The following WDR7 variants were observed in gnomAD, a reference collection of about 807,000 sequenced individuals.
WDR7 encodes the protein WD repeat-containing protein 7.
In WDR7, 46 loss-of-function variants were observed where a neutral mutation model predicts 169.4. The ratio of observed to expected loss-of-function variants is 0.27; its 90% confidence interval spans 0.21 to 0.35. The LOEUF (loss-of-function observed/expected upper bound fraction) is 0.35. WDR7 is among the 10% of genes least tolerant of loss of function. The probability of loss-of-function intolerance (pLI) is 1.00; values close to 1 mark genes in which losing one functional copy is unlikely to be tolerated. For missense variants in WDR7, 1,534 were observed against 1,859.3 expected, an observed-to-expected ratio of 0.83 and a Z score of 3.22; for synonymous variants, 612 against 666.8, an observed-to-expected ratio of 0.92 and a Z score of 1.27.
At chr18:56,804,496 G>A (rs1198438537) in intron 19 of WDR7, among the ~76,000 whole-genome samples, 2 of 152,128 alleles carry the variant, frequency 1.3e-5, no homozygotes, top group Non-Finnish European at 2.9e-5. Flanking sequence ...AATAAAATAA[G>A]CAACAATAAC....
intron 26 of WDR7, among the ~76,000 whole-genome samples, chr18:56,981,565 G>T (rs1457421201): frequency 6.6e-6 from 1 of 152,148 alleles, no homozygotes; most frequent in East Asian, 1.9e-4. Flanking sequence ...GATGCATCTG[G>T]CAACAATGGG....
chr18:56,861,939 T>G (rs1361523556), intron 20 of WDR7, among the ~76,000 whole-genome samples: 1 of 152,090 alleles, frequency 6.6e-6, no homozygotes, highest in Non-Finnish European at 1.5e-5. Context: ...ACAGAAAAAT[T>G]TCAGTGATTC....
chr18:56,653,251 G>A (rs1371016730), intron 1 of WDR7, among the ~76,000 whole-genome samples: 1 of 151,792 alleles, frequency 6.6e-6, no homozygotes, highest in Non-Finnish European at 1.5e-5. Context: ...TTATTGCCCA[G>A]GCTGGAGTGC....
intron 19 of WDR7, among the ~76,000 whole-genome samples, chr18:56,813,220 A>G (rs1244243000): frequency 1.3e-5 from 2 of 151,870 alleles, no homozygotes; most frequent in African/African-American, 2.4e-5. Flanking sequence ...TAACCATCAC[A>G]TAGGGCAATT....
At chr18:56,795,754 T>G (rs1424905262) in intron 19 of WDR7, among the ~76,000 whole-genome samples, 1 of 152,214 alleles carries the variant, frequency 6.6e-6, no homozygotes, top group Non-Finnish European at 1.5e-5. Flanking sequence ...TTGTTTGATT[T>G]TATTTGTTTG....
chr18:56,947,363 G>A (rs1460578702), intron 25 of WDR7, among the ~76,000 whole-genome samples: 1 of 152,106 alleles, frequency 6.6e-6, no homozygotes, highest in Non-Finnish European at 1.5e-5. Context: ...CTTCAAAAAG[G>A]CATCATCTAG....
At chr18:56,753,772 C>A (rs575820669) in intron 14 of WDR7, among the ~76,000 whole-genome samples, 1 of 151,750 alleles carries the variant, frequency 6.6e-6, no homozygotes, top group African/African-American at 2.4e-5. Context: ...AATAAGTAAA[C>A]GTATTTATAT....
chr18:56,921,806 C>A (rs949626163), intron 21 of WDR7, among the ~76,000 whole-genome samples: 16 of 152,296 alleles, frequency 1.1e-4, no homozygotes, highest in Middle Eastern at 3.4e-3. Flanking sequence ...TATTTTCACT[C>A]TCAGGAAAAA....
intron 13 of WDR7, among the ~76,000 whole-genome samples, chr18:56,726,780 C>T (rs1407024474): frequency 6.6e-6 from 1 of 152,134 alleles, no homozygotes; most frequent in African/African-American, 2.4e-5. Flanking sequence ...GGAACACCTT[C>T]CTGAGAACTG....
At chr18:56,742,626 A>T (rs927754951) in intron 14 of WDR7, among the ~76,000 whole-genome samples, 1 of 152,204 alleles carries the variant, frequency 6.6e-6, no homozygotes, top group South Asian at 2.1e-4. Flanking sequence ...CAGAAAATAC[A>T]CTCAGATAAA....
chr18:56,982,844 C>T (rs903155685), intron 26 of WDR7, among the ~76,000 whole-genome samples: 2 of 152,224 alleles, frequency 1.3e-5, no homozygotes, highest in African/African-American at 4.8e-5. Context: ...TCAGCAGATG[C>T]TCTCTAAACA....
At chr18:56,971,147 C>T (rs2145800788) in intron 26 of WDR7, among the ~76,000 whole-genome samples, 1 of 152,124 alleles carries the variant, frequency 6.6e-6, no homozygotes. Context: ...TGATAGGTGC[C>T]TGTAATCCCA....
In WDR7 at chr18:56,779,704, T is replaced by A. The variant is rs569424427; in HGVS notation, c.3066+155T>A. On this transcript the variant is annotated intron_variant, in intron 18 of 27. Coordinates refer to ENST00000254442, the MANE Select transcript of WDR7 (RefSeq NM_015285.3). ...TTCATGATTTATGTTTTCTTCTTTG[T>A]CAGCTTTTATACCAACCAGTAATGC... Among the ~76,000 whole-genome samples, 2 of 152,362 alleles carry A rather than the reference T, an allele frequency of 1.3e-5. 1 individual carries two copies. The highest frequency in any genetic ancestry group is 2.9e-5 in the Non-Finnish European group (2 of 68,036).
chr18:56,904,142 T>C (rs2046443848), intron 21 of WDR7, among the ~76,000 whole-genome samples: 1 of 151,834 alleles, frequency 6.6e-6, no homozygotes, highest in Admixed American at 6.6e-5. Flanking sequence ...CGATCTCAGC[T>C]CACTGCAACC....
chr18:56,763,629 C>G lies in WDR7; in HGVS notation c.2848+4676C>G, dbSNP rs561533693. Reference sequence around the variant, plus strand: ...TCACAGAATGAATTAGGAAGTAGCCCCTTTCCCTGTATTTTCTGGACGGGT... The same window carrying G: ...TCACAGAATGAATTAGGAAGTAGCCGCTTTCCCTGTATTTTCTGGACGGGT... On this transcript the variant is annotated intron_variant, in intron 16 of 27. Transcript: ENST00000254442. Among the ~76,000 whole-genome samples, 3 of 152,222 alleles carry G rather than the reference C, an allele frequency of 2.0e-5. No individual in the cohort carries two copies. The South Asian group carries it at 6.2e-4, about 32-fold the overall frequency.
chr18:56,938,123 T>G (rs936314065), intron 23 of WDR7, among the ~76,000 whole-genome samples: 3 of 152,150 alleles, frequency 2.0e-5, no homozygotes, highest in African/African-American at 7.2e-5. Flanking sequence ...AATCTGAGTA[T>G]AAGTCGGGTC....
chr18:56,719,571 A>AC (rs1369335558), intron 13 of WDR7, among the ~76,000 whole-genome samples: 5 of 146,856 alleles, frequency 3.4e-5, no homozygotes, highest in African/African-American at 1.4e-4. Context: ...CAAAAAAAAA[A>AC]AAAAAAAACA....
intron 26 of WDR7, among the ~76,000 whole-genome samples, chr18:56,976,713 A>G (rs1380535881): frequency 6.6e-6 from 1 of 152,214 alleles, no homozygotes; most frequent in Non-Finnish European, 1.5e-5. Flanking sequence ...TACACCCGTT[A>G]AGAAAACCCC....
At chr18:56,895,693 T>C (rs1376213730) in intron 21 of WDR7, among the ~76,000 whole-genome samples, 1 of 151,742 alleles carries the variant, frequency 6.6e-6, no homozygotes, top group Non-Finnish European at 1.5e-5. Context: ...TAAATATGTA[T>C]ATCTACCATG....
Sources: allele counts gnomAD v4.1 joint callset (sites outside exome capture counted in the v4.1 genomes callset), GRCh38; gene constraint gnomAD v4.1.1; transcripts MANE v1.5; gene names NCBI Gene and HGNC (gene_info 2026-07-23, HGNC 2026-07-21).